Variants in NPR3 observed in about 807,000 individuals in gnomAD.
NPR3 encodes the protein natriuretic peptide receptor 3.
A neutral mutation model predicts 54.5 loss-of-function variants in NPR3; 34 were observed. That is an observed-to-expected ratio of 0.62 (90% CI 0.47 to 0.83). The LOEUF is 0.83. NPR3 is among the 40% of genes least tolerant of loss of function. The pLI is 0.00. For synonymous variants in NPR3, 289 were observed against 297.1 expected, an observed-to-expected ratio of 0.97 and a Z score of 0.28; for missense variants, 674 against 720.8, an observed-to-expected ratio of 0.94 and a Z score of 0.74.
chr5:32,752,562 C>T (rs575738254), intron 3 of NPR3, among the ~76,000 whole-genome samples: 1 of 152,320 alleles, frequency 6.6e-6, no homozygotes, highest in East Asian at 1.9e-4. Context: ...CGCCCTCACT[C>T]CCTTTCTTTA....
rs1316494728 is a variant in NPR3, at chr5:32,727,571, AAGTTTTGC to A, written c.892+2758_892+2765del. Among the ~76,000 whole-genome samples, 3 of 152,194 alleles carry A rather than the reference AAGTTTTGC, an allele frequency of 2.0e-5. No individual in the cohort carries two copies. In the East Asian group the frequency reaches 5.8e-4, roughly 29 times the overall value. On this transcript the variant is annotated intron_variant, in intron 2 of 7. Coordinates refer to ENST00000265074, the MANE Select transcript of NPR3 (RefSeq NM_001204375.2). ...GAATTTCTTTTTATGTTTATAAGCA[AAGTTTTGC>A]AGTTTTCTCATTTATATTGTGCATT...
chr5:32,709,018 T>C (rs1171365927), upstream of NPR3, among the ~76,000 whole-genome samples: 1 of 151,762 alleles, frequency 6.6e-6, no homozygotes, highest in Non-Finnish European at 1.5e-5. Flanking sequence ...AGTCGAGAGC[T>C]CTTGTCCAAA....
intron 3 of NPR3, among the ~76,000 whole-genome samples, chr5:32,750,595 G>A (rs755290933): frequency 6.6e-6 from 1 of 152,170 alleles, no homozygotes; most frequent in East Asian, 1.9e-4. Context: ...TACCATGCAA[G>A]TGTTCAAAGA....
chr5:32,775,385 A>C (rs1407306701), intron 4 of NPR3, among the ~76,000 whole-genome samples: 1 of 148,152 alleles, frequency 6.7e-6, no homozygotes, highest in Non-Finnish European at 1.5e-5. Flanking sequence ...ACTTCTGCCT[A>C]CTAGGTTTAA....
intron 3 of NPR3, among the ~76,000 whole-genome samples, chr5:32,761,987 C>A (rs1005141014): frequency 6.6e-6 from 1 of 152,136 alleles, no homozygotes; most frequent in African/African-American, 2.4e-5. Flanking sequence ...ATTCCCCTCC[C>A]TGTGTCCATG....
At chr5:32,693,757 T>A (rs1385206092) in intron 1 of NPR3, among the ~76,000 whole-genome samples, 3 of 152,234 alleles carry the variant, frequency 2.0e-5, no homozygotes, top group Non-Finnish European at 1.5e-5. Context: ...TTCAAAGGTT[T>A]CTTGAGTTTA....
At chr5:32,721,948 C>A (rs985765400) in intron 1 of NPR3, among the ~76,000 whole-genome samples, 1 of 152,160 alleles carries the variant, frequency 6.6e-6, no homozygotes, top group African/African-American at 2.4e-5. Flanking sequence ...TCCTCTTCTT[C>A]TAAACTGCCA....
chr5:32,706,091 G>A (rs1165622235), upstream of NPR3, among the ~76,000 whole-genome samples: 2 of 152,048 alleles, frequency 1.3e-5, no homozygotes, highest in Non-Finnish European at 2.9e-5. Context: ...TGCTGTCCTT[G>A]GCAATAGTGA....
intron 3 of NPR3, among the ~76,000 whole-genome samples, chr5:32,741,771 C>CTTT (rs201317249): frequency 2.7e-5 from 4 of 146,202 alleles, no homozygotes; most frequent in East Asian, 2.0e-4. Flanking sequence ...GGGGCTTTTT[C>CTTT]TTTTTTTTTT....
chr5:32,776,454 A>T (rs1319415650), intron 4 of NPR3, among the ~76,000 whole-genome samples: 2 of 152,220 alleles, frequency 1.3e-5, no homozygotes, highest in Non-Finnish European at 2.9e-5. Context: ...TTCTGGGTCC[A>T]AAAGTATGTT....
At chr5:32,710,139 G>A (rs1738135641), upstream of NPR3, 2 of 152,170 alleles carry the variant, frequency 1.3e-5, no homozygotes, top group South Asian at 4.2e-4. Context: ...ATGCTCCTCT[G>A]GTCACGGACT....
chr5:32,723,652 G>A lies in NPR3; in HGVS notation c.770-1046G>A, dbSNP rs139072988. ...TGACAATTTTCACTATCTTATATCC[G>A]GCAAATCTGGTGATTTATTTGATGC... is the stretch of plus-strand genomic sequence containing the variant. On this transcript the variant is annotated intron_variant, in intron 1 of 7. Coordinates refer to ENST00000265074, the MANE Select transcript of NPR3 (RefSeq NM_001204375.2). Among the ~76,000 whole-genome samples, 566 of 152,110 alleles carry A rather than the reference G, an allele frequency of 3.7e-3. 4 individuals carry two copies. Among genetic ancestry groups the A allele is most frequent in the African/African-American group, 0.013 (540 of 41,478 alleles).
chr5:32,730,321 C>T (rs1168436675), intron 2 of NPR3, among the ~76,000 whole-genome samples: 1 of 151,996 alleles, frequency 6.6e-6, no homozygotes, highest in African/African-American at 2.4e-5. Context: ...CATAGGGGAA[C>T]CTGCTTAGGT....
At chr5:32,735,626 C>T (rs1179378488) in intron 2 of NPR3, among the ~76,000 whole-genome samples, 3 of 152,144 alleles carry the variant, frequency 2.0e-5, no homozygotes, top group African/African-American at 7.2e-5. Flanking sequence ...GGTGTCTCCC[C>T]CACCCTAATC....
intron 2 of NPR3, among the ~76,000 whole-genome samples, chr5:32,730,970 A>C (rs1739418331): frequency 6.6e-6 from 1 of 152,220 alleles, no homozygotes; most frequent in South Asian, 2.1e-4. Context: ...GATTATTCTA[A>C]CTTTGACACT....
chr5:32,713,404 G>C, intron 1 of NPR3: 1 of 985,478 alleles, frequency 1.0e-6, no homozygotes, highest in Non-Finnish European at 1.2e-6. Context: ...GGGGGACGCG[G>C]ACGTGTAATC....
chr5:32,774,435 G>A (rs1741931612), intron 3 of NPR3, among the ~76,000 whole-genome samples: 2 of 152,172 alleles, frequency 1.3e-5, no homozygotes, highest in African/African-American at 4.8e-5. Context: ...CATTGGCAAA[G>A]GTGGGCACAC....
At position 32,743,987 on chromosome 5, in the gene NPR3, A is replaced by ATTTTT. The variant is rs199604802; in HGVS notation, c.1059+4977_1059+4981dup. 3.8e-4 allele frequency among the ~76,000 whole-genome samples: 43 copies of ATTTTT among 113,820 alleles called. 2 individuals are homozygous for ATTTTT. The highest frequency in any genetic ancestry group is 9.0e-4 in the African/African-American group (26 of 28,876). The allele number at this position is 113,820 out of a possible 152,430, so 74.7% of individuals were successfully genotyped here. ...GGGGAAATCTATTCCATTCTGATGC[A>ATTTTT]TTTTTTTTTTTTTTTTTTTTTTTTG... On this transcript the variant is annotated intron_variant, in intron 3 of 7. Transcript: ENST00000265074.
intron 2 of NPR3, among the ~76,000 whole-genome samples, chr5:32,728,851 A>G (rs1181952890): frequency 8.4e-6 from 1 of 119,450 alleles, no homozygotes; most frequent in South Asian, 2.6e-4. Flanking sequence ...ATATATATAT[A>G]TATATATATA....
Sources: allele counts gnomAD v4.1 joint callset (sites outside exome capture counted in the v4.1 genomes callset), GRCh38; gene constraint gnomAD v4.1.1; transcripts MANE v1.5; gene names NCBI Gene and HGNC (gene_info 2026-07-23, HGNC 2026-07-21).